Variants in CHCHD3 observed in about 807,000 individuals in gnomAD.
The protein encoded by CHCHD3 is MICOS complex subunit MIC19.
Under a neutral mutation model 38.2 loss-of-function variants are expected in CHCHD3, and 20 were observed. The observed-to-expected ratio is 0.52, with a 90% confidence interval of 0.37 to 0.76. The LOEUF (loss-of-function observed/expected upper bound fraction) is 0.76. Among genes scored for constraint, CHCHD3 ranks in the 30% least tolerant of loss-of-function variants. CHCHD3 has a pLI of 0.00. For synonymous variants in CHCHD3, 82 were observed against 100.0 expected (o/e 0.82, Z 1.07); for missense variants, 245 against 279.2 (o/e 0.88, Z 0.87).
At position 132,821,468 on chromosome 7, in the gene CHCHD3, T is replaced by C. The variant is rs138797682; in HGVS notation, c.524+16931A>G. ...TACTTATTATTTCATTGTACCTATA[T>C]TGACATTATGGCGTGGAAAAATGAA... On this transcript the variant is annotated intron_variant, in intron 6 of 7. Transcript: ENST00000262570. 2.9e-3 allele frequency among the ~76,000 whole-genome samples: 440 copies of C among 151,886 alleles called. 1 individual carries two copies. Among genetic ancestry groups the C allele is most frequent in the African/African-American group, 0.01 (421 of 41,522 alleles).
intron 3 of CHCHD3, among the ~76,000 whole-genome samples, chr7:133,008,755 C>A (rs1812775790): frequency 6.6e-6 from 1 of 152,092 alleles, no homozygotes; most frequent in Non-Finnish European, 1.5e-5. Context: ...TACACTACCA[C>A]AAAAGGTCAA....
chr7:132,880,072 G>A lies in CHCHD3; in HGVS notation c.453+5590C>T, dbSNP rs77105760. On this transcript the variant is annotated intron_variant, in intron 5 of 7. Coordinates refer to ENST00000262570, the MANE Select transcript of CHCHD3 (RefSeq NM_017812.4). ...GAGGTAGCATTAATCAAATCATAAC[G>A]TCAGGACCCAAAAAGTTGTATTAGA... Among the ~76,000 whole-genome samples the A allele has an allele frequency of 3.9e-3, 592 of 152,154 alleles. 7 individuals carry two copies. Among genetic ancestry groups the A allele is most frequent in the African/African-American group, 0.013 (547 of 41,512 alleles).
intron 5 of CHCHD3, among the ~76,000 whole-genome samples, chr7:132,873,725 T>C (rs1201601353): frequency 6.6e-6 from 1 of 152,052 alleles, no homozygotes; most frequent in Non-Finnish European, 1.5e-5. Context: ...TTGGGCATTC[T>C]ATTTAGGTTA....
At chr7:132,971,496 T>A (rs1410744164) in intron 4 of CHCHD3, among the ~76,000 whole-genome samples, 2 of 152,148 alleles carry the variant, frequency 1.3e-5, no homozygotes, top group Non-Finnish European at 2.9e-5. Flanking sequence ...AACAGGGCCA[T>A]CATGACTTTG....
chr7:132,997,677 A>AC (rs1363878217), intron 3 of CHCHD3, among the ~76,000 whole-genome samples: 29 of 148,506 alleles, frequency 2.0e-4, no homozygotes, highest in Admixed American at 3.4e-4. Context: ...AAAAAAAAAA[A>AC]AAAAAAAAAA....
At chr7:132,787,002 G>A (rs958693487) in intron 7 of CHCHD3, among the ~76,000 whole-genome samples, 1 of 152,162 alleles carries the variant, frequency 6.6e-6, no homozygotes, top group Non-Finnish European at 1.5e-5. Context: ...GAGCAGGGAA[G>A]GCTTCTCCAA....
At position 132,798,971 on chromosome 7, in the gene CHCHD3, T is replaced by A. The variant is rs56396311; in HGVS notation, c.525-2394A>T. 7.4e-3 allele frequency among the ~76,000 whole-genome samples: 1,128 copies of A among 152,010 alleles called. 8 individuals carry two copies. Among genetic ancestry groups the A allele is most frequent in the Non-Finnish European group, 0.012 (822 of 67,966 alleles). ...ATCACCACAAATCAATACTACTCAC[T>A]TCCAGGGCTCTTGATTTCCTGTTTG... is the stretch of plus-strand genomic sequence containing the variant. On this transcript the variant is annotated intron_variant, in intron 6 of 7. Transcript: ENST00000262570.
Position 133,007,070 on chromosome 7 carries a change from T to C in CHCHD3, c.251+17476A>G, listed in dbSNP as rs116933802. Among the ~76,000 whole-genome samples the C allele has an allele frequency of 2.1e-3, 316 of 152,310 alleles. 2 individuals carry two copies. Among genetic ancestry groups the C allele is most frequent in the Non-Finnish European group, 4.3e-3 (291 of 68,026 alleles). The stretch of plus-strand genomic sequence containing the variant: ...ATTTTCTTAACTTTGTTTGGCTGCA[T>C]TTCTCTAATTTTCTAAACAGTGTGA... On this transcript the variant is annotated intron_variant, in intron 3 of 7. Coordinates refer to ENST00000262570, the MANE Select transcript of CHCHD3 (RefSeq NM_017812.4).
chr7:132,911,946 A>G (rs1225948313), intron 4 of CHCHD3, among the ~76,000 whole-genome samples: 1 of 152,218 alleles, frequency 6.6e-6, no homozygotes, highest in Non-Finnish European at 1.5e-5. Context: ...ATGCCCTCTT[A>G]TCCCCTCAAT....
At chr7:132,824,405 G>A (rs1388983782) in intron 6 of CHCHD3, among the ~76,000 whole-genome samples, 2 of 136,270 alleles carry the variant, frequency 1.5e-5, no homozygotes, top group African/African-American at 5.4e-5. Context: ...TGCAAGCTAC[G>A]CCTCCTGGGT....
At chr7:132,938,833 C>T (rs1274063086) in intron 4 of CHCHD3, among the ~76,000 whole-genome samples, 2 of 150,602 alleles carry the variant, frequency 1.3e-5, no homozygotes, top group Middle Eastern at 3.2e-3. Flanking sequence ...AGAGGAGATG[C>T]GGCTGCGAGG....
At chr7:133,080,443 G>T (rs756201376) in intron 1 of CHCHD3, among the ~76,000 whole-genome samples, 1 of 152,182 alleles carries the variant, frequency 6.6e-6, no homozygotes, top group African/African-American at 2.4e-5. Flanking sequence ...TAAAGCACGA[G>T]AATATGGATT....
intron 4 of CHCHD3, among the ~76,000 whole-genome samples, chr7:132,894,217 C>T (rs1204333204): frequency 2.0e-5 from 3 of 152,140 alleles, no homozygotes; most frequent in Non-Finnish European, 4.4e-5. Flanking sequence ...TATAAACTTT[C>T]TTCTATAGCT....
chr7:132,855,874 A>G (rs903358687), intron 5 of CHCHD3, among the ~76,000 whole-genome samples: 42 of 151,850 alleles, frequency 2.8e-4, no homozygotes, highest in African/African-American at 7.7e-4. Context: ...TTAAAAAAAA[A>G]AAAGAAAGAA....
rs35863843 is a variant in CHCHD3, at chr7:133,013,206, A to AAGG, written c.251+11339_251+11340insCCT. On this transcript the variant is annotated intron_variant, in intron 3 of 7. Coordinates refer to ENST00000262570, the MANE Select transcript of CHCHD3 (RefSeq NM_017812.4). ...GCCTCAAAAAAAAAAAAAAAAAAAA[A>AAGG]CATTCAGACAGACATATAATAGGTA... Among the ~76,000 whole-genome samples the AAGG allele has an allele frequency of 2.8e-5, 3 of 108,734 alleles. 1 individual carries two copies. Among genetic ancestry groups the AAGG allele is most frequent in the African/African-American group, 1.1e-4 (3 of 28,408 alleles). The allele number at this position is 108,734 out of a possible 152,430, so 71.3% of individuals were successfully genotyped here. A position where few individuals can be genotyped will look rare whatever the true frequency, so the allele number is the denominator to read the frequency against.
At chr7:132,837,914 C>T (rs571776305) in intron 6 of CHCHD3, among the ~76,000 whole-genome samples, 1 of 152,284 alleles carries the variant, frequency 6.6e-6, no homozygotes, top group Non-Finnish European at 1.5e-5. Context: ...TTTAACATCA[C>T]CTTCATAATC....
chr7:133,078,244 G>A (rs1378457596), intron 1 of CHCHD3, among the ~76,000 whole-genome samples: 1 of 152,214 alleles, frequency 6.6e-6, no homozygotes, highest in African/African-American at 2.4e-5. Context: ...GGGAGGCAGA[G>A]GTTGCAGCAA....
chr7:133,080,726 C>G (rs537974443), intron 1 of CHCHD3, among the ~76,000 whole-genome samples: 191 of 150,626 alleles, frequency 1.3e-3, no homozygotes, highest in Non-Finnish European at 1.0e-3. Flanking sequence ...AGACCAAAAA[C>G]TGAGTTCGAC....
At chr7:132,865,156 GA>G in intron 5 of CHCHD3, among the ~76,000 whole-genome samples, 1 of 152,318 alleles carries the variant, frequency 6.6e-6, no homozygotes, top group South Asian at 2.1e-4. Context: ...TATGGCGTGA[GA>G]AAAACAAGTG....
Sources: allele counts gnomAD v4.1 joint callset (sites outside exome capture counted in the v4.1 genomes callset), GRCh38; gene constraint gnomAD v4.1.1; transcripts MANE v1.5; gene names NCBI Gene and HGNC (gene_info 2026-07-23, HGNC 2026-07-21).